SORCS2: variants seen among roughly 807,000 people sequenced by gnomAD.
SORCS2 encodes sortilin related VPS10 domain containing receptor 2.
Under a neutral mutation model 141.6 loss-of-function variants are expected in SORCS2, and 100 were observed. The observed-to-expected ratio is 0.71, with a 90% confidence interval of 0.60 to 0.83. SORCS2 has a LOEUF of 0.83. Ranked by LOEUF, SORCS2 falls within the 40% of genes least tolerant of loss-of-function variation. The pLI, the probability that SORCS2 is intolerant of heterozygous loss-of-function variation, is 0.00. For missense variants in SORCS2, 1,646 were observed against 1,560.2 expected, an observed-to-expected ratio of 1.05 and a Z score of -0.93; for synonymous variants, 789 against 676.9, an observed-to-expected ratio of 1.17 and a Z score of -2.57.
intron 2 of SORCS2, among the ~76,000 whole-genome samples, chr4:7,439,886 G>T (rs1047446668): frequency 6.6e-6 from 1 of 152,140 alleles, no homozygotes; most frequent in Non-Finnish European, 1.5e-5. Flanking sequence ...GAATGTTTCT[G>T]TAGGGTGTGC....
chr4:7,258,003 G>T (rs965788496), intron 1 of SORCS2, among the ~76,000 whole-genome samples: 1 of 152,286 alleles, frequency 6.6e-6, no homozygotes, highest in South Asian at 2.1e-4. Context: ...GCTCTCACCC[G>T]CCCAGGTACC....
chr4:7,544,019 T>TCCATCCATCCAGCCACCCAC lies in SORCS2; in HGVS notation c.648+12422_648+12441dup, dbSNP rs1261364576. On this transcript the variant is annotated intron_variant, in intron 3 of 26. Transcript: ENST00000507866. ...ACTCATCCATCCATCCATCCACCCA[T>TCCATCCATCCAGCCACCCAC]CCATCCATCCAGCCACCCACCCATC... Among the ~76,000 whole-genome samples, 872 of 128,356 alleles carry TCCATCCATCCAGCCACCCAC rather than the reference T, an allele frequency of 6.8e-3. 8 individuals carry two copies. The highest frequency in any genetic ancestry group is 9.9e-3 in the Non-Finnish European group (592 of 59,556). 84.2% of individuals were successfully genotyped at this position (128,356 alleles called of 152,430 possible). A position where few individuals can be genotyped will look rare whatever the true frequency, so the allele number is the denominator to read the frequency against.
intron 3 of SORCS2, among the ~76,000 whole-genome samples, chr4:7,584,381 A>G (rs951183126): frequency 1.3e-5 from 2 of 152,168 alleles, no homozygotes; most frequent in Admixed American, 6.5e-5. Context: ...AAACTGAAAG[A>G]GTACATTTAA....
intron 2 of SORCS2, among the ~76,000 whole-genome samples, chr4:7,421,508 C>T (rs887241104): frequency 6.6e-6 from 1 of 152,168 alleles, no homozygotes; most frequent in Non-Finnish European, 1.5e-5. Context: ...CCAGGCCTGG[C>T]TTCTAGCCAG....
In SORCS2 at chr4:7,617,876, G is replaced by A. The variant is rs146790670; in HGVS notation, c.649-20452G>A. Among the ~76,000 whole-genome samples, 506 of 152,224 alleles carry A rather than the reference G, an allele frequency of 3.3e-3. 7 individuals are homozygous for A. The highest frequency in any genetic ancestry group is 0.011 in the African/African-American group (449 of 41,530). ...TTCCTCTGAGCCGCCTACCGGTGCC[G>A]CCCCAGCTCTGCCTCACCTTCCAGC... On this transcript the variant is annotated intron_variant, in intron 3 of 26. Coordinates refer to ENST00000507866, the MANE Select transcript of SORCS2 (RefSeq NM_020777.3).
In SORCS2 at chr4:7,726,916, T is replaced by A. The variant is rs756858187; in HGVS notation, c.2869+13T>A. On this transcript the variant is annotated intron_variant, in intron 21 of 26. Transcript: ENST00000507866. ...CTCCGTGTGCTGGGTAAGTACTTCC[T>A]GGGGTCTGGCAGCACGGCCTCTGCA... The A allele has an allele frequency of 1.1e-5, 18 of 1,609,200 alleles. No individual in the cohort carries two copies. Among genetic ancestry groups the A allele is most frequent in the South Asian group, 5.5e-5 (5 of 90,814 alleles).
chr4:7,612,917 TG>T (rs1423844297), intron 3 of SORCS2, among the ~76,000 whole-genome samples: 1 of 151,524 alleles, frequency 6.6e-6, no homozygotes, highest in East Asian at 1.9e-4. Flanking sequence ...GAAGAAGGGC[TG>T]GGGGAGGAGA....
intron 18 of SORCS2, among the ~76,000 whole-genome samples, chr4:7,719,803 C>T (rs1447614920): frequency 6.6e-6 from 1 of 152,132 alleles, no homozygotes; most frequent in Non-Finnish European, 1.5e-5. Flanking sequence ...CGGAGTGTCT[C>T]TATGGGAGCC....
In SORCS2 at chr4:7,426,604, G is replaced by A. The variant is rs1014271511; in HGVS notation, c.548+30249G>A. On this transcript the variant is annotated intron_variant, in intron 2 of 26. Transcript: ENST00000507866. ...CAGGGAGGGTTGGTGTCATCAGCCC[G>A]ATGGAAATAGCACATGTACTGGGTG... is the stretch of plus-strand genomic sequence containing the variant. 2.0e-5 allele frequency among the ~76,000 whole-genome samples: 3 copies of A among 152,154 alleles called. No individual in the cohort carries two copies. The East Asian group carries it at 5.8e-4, about 29-fold the overall frequency.
intron 15 of SORCS2, among the ~76,000 whole-genome samples, chr4:7,713,413 C>T (rs1316136210): frequency 6.6e-6 from 1 of 151,940 alleles, no homozygotes; most frequent in East Asian, 1.9e-4. Flanking sequence ...GGGTGGGTGG[C>T]CCTGTTGAAG....
intron 1 of SORCS2, among the ~76,000 whole-genome samples, chr4:7,312,556 C>T (rs1027144631): frequency 6.6e-6 from 1 of 152,210 alleles, no homozygotes. Flanking sequence ...CTGGGTCTCT[C>T]AGTTTCTAGC....
chr4:7,516,983 G>A (rs183288050), intron 2 of SORCS2, among the ~76,000 whole-genome samples: 22 of 152,312 alleles, frequency 1.4e-4, no homozygotes, highest in Admixed American at 9.8e-4. Flanking sequence ...TGGTGAGAAT[G>A]TGCTAGTCCT....
At chr4:7,327,084 C>T (rs1407066524) in intron 1 of SORCS2, among the ~76,000 whole-genome samples, 8 of 152,336 alleles carry the variant, frequency 5.3e-5, no homozygotes, top group South Asian at 2.1e-4. Context: ...ATCTGCTTCA[C>T]GGGGGGCTGG....
chr4:7,445,773 G>T (rs1282494578), intron 2 of SORCS2, among the ~76,000 whole-genome samples: 2 of 152,188 alleles, frequency 1.3e-5, no homozygotes, highest in Non-Finnish European at 2.9e-5. Flanking sequence ...CTCCTGGGTT[G>T]CTGGGGGCTG....
intron 1 of SORCS2, among the ~76,000 whole-genome samples, chr4:7,295,621 T>C (rs755143639): frequency 6.6e-6 from 1 of 152,196 alleles, no homozygotes; most frequent in Non-Finnish European, 1.5e-5. Context: ...TCTGGCCCTG[T>C]GCCTGGGAAC....
intron 2 of SORCS2, among the ~76,000 whole-genome samples, chr4:7,515,432 G>A (rs1732911808): frequency 6.6e-6 from 1 of 152,194 alleles, no homozygotes; most frequent in South Asian, 2.1e-4. Context: ...GCTCTGCTGG[G>A]TGGCCTTGGG....
chr4:7,436,658 C>T (rs887387626), intron 2 of SORCS2, among the ~76,000 whole-genome samples: 2 of 152,160 alleles, frequency 1.3e-5, no homozygotes, highest in Admixed American at 6.5e-5. Context: ...CCGACATTGT[C>T]GTTTCTGGGT....
chr4:7,218,990 A>G (rs909906572), intron 1 of SORCS2, among the ~76,000 whole-genome samples: 1 of 138,220 alleles, frequency 7.2e-6, no homozygotes, highest in Non-Finnish European at 1.5e-5. Flanking sequence ...CTTCTGGAAT[A>G]TGCTAGGCCC....
chr4:7,543,971 TCCAC>T (rs1210249445), intron 3 of SORCS2, among the ~76,000 whole-genome samples: 4 of 123,366 alleles, frequency 3.2e-5, no homozygotes, highest in Non-Finnish European at 3.4e-5. Flanking sequence ...CATCCATCCA[TCCAC>T]CCATCCGTCC....
Sources: gnomAD v4.1 joint callset for allele counts (sites outside exome capture counted in the v4.1 genomes callset) on GRCh38, gnomAD v4.1.1 for gene constraint, MANE v1.5 for transcripts, NCBI Gene and HGNC (gene_info 2026-07-23, HGNC 2026-07-21) for gene names.